The following RLF variants were observed in gnomAD, a reference collection of about 807,000 sequenced individuals.
The protein encoded by RLF is zinc finger protein Rlf.
In RLF, 7 loss-of-function variants were observed where a neutral mutation model predicts 162.9. The ratio of observed to expected loss-of-function variants is 0.04; its 90% CI spans 0.02 to 0.08. RLF has a LOEUF of 0.08. Ranked by LOEUF, RLF falls within the 10% of genes least tolerant of loss-of-function variation. The probability of loss-of-function intolerance (pLI) is 1.00; values close to 1 mark genes in which losing one functional copy is unlikely to be tolerated. For missense variants in RLF, 1,664 were observed against 2,244.7 expected (o/e 0.74, Z 5.23); for synonymous variants, 782 against 791.5 (o/e 0.99, Z 0.20).
intron 6 of RLF, among the ~76,000 whole-genome samples, chr1:40,224,575 CATCT>C (rs1322655927): frequency 1.3e-5 from 1 of 74,450 alleles, no homozygotes; most frequent in African/African-American, 6.3e-5. Flanking sequence ...CGCCTGGCCA[CATCT>C]TTTTTTTTTT....
intron 6 of RLF, among the ~76,000 whole-genome samples, chr1:40,223,574 TA>T (rs1643023035): frequency 6.6e-6 from 1 of 152,240 alleles, no homozygotes; most frequent in Non-Finnish European, 1.5e-5. Context: ...GAAAACCTAG[TA>T]AAGCCTTTTG....
At chr1:40,186,847 G>C (rs1642488047) in intron 1 of RLF, among the ~76,000 whole-genome samples, 1 of 152,176 alleles carries the variant, frequency 6.6e-6, no homozygotes, top group African/African-American at 2.4e-5. Context: ...AGTGGGTAGA[G>C]GAGTGGTAGG....
chr1:40,235,647 T>C (rs1312171880), intron 7 of RLF, 145 bp from the exon 8 acceptor site: 9 of 609,144 alleles, frequency 1.5e-5, no homozygotes, highest in Non-Finnish European at 2.5e-5. Context: ...ACAAGAAATA[T>C]CTAAATGTAA....
chr1:40,213,402 G>T (rs985568697), intron 5 of RLF, among the ~76,000 whole-genome samples: 1 of 152,152 alleles, frequency 6.6e-6, no homozygotes, highest in African/African-American at 2.4e-5. Context: ...CTGTGATAGG[G>T]TTTAAATGGA....
chr1:40,178,668 A>T (rs942139731), intron 1 of RLF, among the ~76,000 whole-genome samples: 5 of 26,818 alleles, frequency 1.9e-4, no homozygotes, highest in Admixed American at 9.7e-4. Flanking sequence ...GGATCTTGCT[A>T]TGGTCTTTTT....
chr1:40,209,105 C>T (rs1262504274), intron 5 of RLF, among the ~76,000 whole-genome samples: 1 of 152,162 alleles, frequency 6.6e-6, no homozygotes, highest in African/African-American at 2.4e-5. Flanking sequence ...AGAGGGGAAA[C>T]TTCAGAAAAG....
intron 6 of RLF, among the ~76,000 whole-genome samples, chr1:40,227,581 A>G (rs779816809): frequency 1.3e-5 from 2 of 152,198 alleles, no homozygotes; most frequent in Non-Finnish European, 2.9e-5. Flanking sequence ...TAACTATGCA[A>G]ATATTTTTAC....
chr1:40,221,417 C>T (rs1642992618), intron 5 of RLF, among the ~76,000 whole-genome samples: 1 of 151,734 alleles, frequency 6.6e-6, no homozygotes, highest in Admixed American at 6.6e-5. Flanking sequence ...TGTTTGACAG[C>T]GAACCAAATA....
At chr1:40,169,357 C>T (rs558728329) in intron 1 of RLF, among the ~76,000 whole-genome samples, 35 of 152,156 alleles carry the variant, frequency 2.3e-4, no homozygotes, top group African/African-American at 8.4e-4. Context: ...TGGCTCACGC[C>T]TGTAGTCCCA....
At chr1:40,178,557 A>C (rs1642359357) in intron 1 of RLF, among the ~76,000 whole-genome samples, 1 of 151,874 alleles carries the variant, frequency 6.6e-6, no homozygotes, top group South Asian at 2.1e-4. Context: ...TCAGATGGTA[A>C]ATTTTATATG....
chr1:40,240,476 G>A lies in RLF; in HGVS notation c.*29G>A. 6.7e-7 allele frequency: 1 copy of A among 1,498,816 alleles called. No individual in the cohort carries two copies. The highest frequency in any genetic ancestry group is 9.2e-7 in the Non-Finnish European group (1 of 1,088,684). The allele number at this position is 1,498,816 out of a possible 1,614,324, so 92.8% of individuals were successfully genotyped here. A position where few individuals can be genotyped will look rare whatever the true frequency, so the allele number is the denominator to read the frequency against. Reference sequence around the variant, plus strand: ...GCAATTTTGTTTTAGTAACAGACTGGCTCCAACACTGCAACATGGGGACAT... The same window carrying A: ...GCAATTTTGTTTTAGTAACAGACTGACTCCAACACTGCAACATGGGGACAT... On this transcript the variant is annotated 3_prime_UTR_variant, in exon 8 of 8. Transcript: ENST00000372771.
chr1:40,220,690 T>C (rs1642980606), intron 5 of RLF, among the ~76,000 whole-genome samples: 1 of 152,200 alleles, frequency 6.6e-6, no homozygotes, highest in Non-Finnish European at 1.5e-5. Flanking sequence ...TGGCACTGCT[T>C]TGCTAGGCAC....
chr1:40,190,419 G>A (rs1278477191), intron 2 of RLF, among the ~76,000 whole-genome samples: 1 of 152,094 alleles, frequency 6.6e-6, no homozygotes, highest in East Asian at 1.9e-4. Context: ...CAGCTGAATT[G>A]ACAGTAGTAT....
intron 5 of RLF, among the ~76,000 whole-genome samples, chr1:40,211,689 T>C (rs1642866912): frequency 6.6e-6 from 1 of 152,070 alleles, no homozygotes; most frequent in African/African-American, 2.4e-5. Flanking sequence ...TGGCGTGATA[T>C]CGGCTCACTG....
chr1:40,162,490 T>G (rs142403709), intron 1 of RLF, among the ~76,000 whole-genome samples: 1 of 152,248 alleles, frequency 6.6e-6, no homozygotes, highest in African/African-American at 2.4e-5. Flanking sequence ...GTTTGTTCTG[T>G]CAGGTTTCAG....
intron 1 of RLF, among the ~76,000 whole-genome samples, chr1:40,186,853 G>A (rs1368723607): frequency 2.0e-5 from 3 of 152,280 alleles, no homozygotes; most frequent in East Asian, 1.9e-4. Flanking sequence ...TAGAGGAGTG[G>A]TAGGCCTATA....
chr1:40,179,426 T>C (rs905073789), intron 1 of RLF, among the ~76,000 whole-genome samples: 1 of 152,168 alleles, frequency 6.6e-6, no homozygotes, highest in Non-Finnish European at 1.5e-5. Flanking sequence ...AATGCAGAAA[T>C]GGAGGATGGT....
At position 40,239,620 on chromosome 1, in the gene RLF, G is replaced by A. The variant is rs758954162; in HGVS notation, c.4918G>A (p.Asp1640Asn). The A allele has an allele frequency of 1.9e-6, 3 of 1,614,122 alleles. No homozygotes were observed. Among genetic ancestry groups the A allele is most frequent in the Non-Finnish European group, 2.5e-6 (3 of 1,180,026 alleles). ...GDSSAPIQNT[D>N]CCHSSERDGG... ...CAGTAGTGCACCCATCCAGAACACT[G>A]ATTGCTGTCATTCAAGTGAAAGGGA... The change falls in exon 8 of 8, where the codon GAT becomes AAT. Residue 1640 changes from aspartate to asparagine, a missense_variant. Around this residue, in one of 15 missense-constraint regions of RLF, gnomAD observed 327 missense variants for 342.7 expected, o/e 0.95. Transcript: ENST00000372771.
intron 1 of RLF, among the ~76,000 whole-genome samples, chr1:40,176,320 A>G (rs907905319): frequency 1.3e-5 from 2 of 152,238 alleles, no homozygotes; most frequent in Admixed American, 1.3e-4. Context: ...TTACATTCAC[A>G]TCAGCGCTGT....
Sources: gnomAD v4.1 joint callset for allele counts (sites outside exome capture counted in the v4.1 genomes callset) on GRCh38, gnomAD v4.1.1 for gene constraint, gnomAD v4.1.1 regional missense constraint, MANE v1.5 for transcripts, NCBI Gene and HGNC (gene_info 2026-07-23, HGNC 2026-07-21) for gene names.